Variants in PARP1 observed in about 807,000 individuals in gnomAD.
PARP1 encodes poly(ADP-ribose) polymerase 1.
Under a neutral mutation model 118.7 loss-of-function variants are expected in PARP1, and 44 were observed. The observed-to-expected ratio is 0.37, with a 90% confidence interval of 0.29 to 0.48. The LOEUF (loss-of-function observed/expected upper bound fraction) is 0.48, where lower values mean the gene tolerates loss of function less well. PARP1 is among the 20% of genes least tolerant of loss of function. The probability of loss-of-function intolerance (pLI) is 0.99; values close to 1 mark genes in which losing one functional copy is unlikely to be tolerated. For synonymous variants in PARP1, 492 were observed against 483.2 expected (o/e 1.02, Z -0.24); for missense variants, 1,100 against 1,272.4 (o/e 0.86, Z 2.06).
chr1:226,376,261 AT>A (rs1232830329), intron 13 of PARP1, among the ~76,000 whole-genome samples: 1 of 152,226 alleles, frequency 6.6e-6, no homozygotes, highest in Non-Finnish European at 1.5e-5. Context: ...AAAGTGATAA[AT>A]TTTCATTTTT....
At chr1:226,376,003 A>G (rs940675635) in intron 13 of PARP1, among the ~76,000 whole-genome samples, 1 of 152,168 alleles carries the variant, frequency 6.6e-6, no homozygotes, top group African/African-American at 2.4e-5. Flanking sequence ...AAAAATTTTT[A>G]AAGTATTTAA....
At chr1:226,405,942 C>T (rs1284919153) in intron 1 of PARP1, among the ~76,000 whole-genome samples, 1 of 151,666 alleles carries the variant, frequency 6.6e-6, no homozygotes, top group African/African-American at 2.4e-5. Flanking sequence ...ATAGTGAGAC[C>T]CCATCTCAAA....
chr1:226,391,484 C>T (rs1352981867), intron 3 of PARP1, among the ~76,000 whole-genome samples: 3 of 152,118 alleles, frequency 2.0e-5, no homozygotes, highest in Non-Finnish European at 4.4e-5. Context: ...AAACCAGTAA[C>T]CCAGCAGCAC....
At chr1:226,394,341 G>A (rs1036494562) in intron 2 of PARP1, among the ~76,000 whole-genome samples, 12 of 152,224 alleles carry the variant, frequency 7.9e-5, no homozygotes, top group Non-Finnish European at 1.5e-4. Context: ...TTGGGTGACA[G>A]AGTGAGACCC....
Position 226,361,156 on chromosome 1 carries a change from T to C in PARP1, c.*304A>G. The C allele has an allele frequency of 2.3e-6, 1 of 432,744 alleles. No homozygotes were observed. Among genetic ancestry groups the C allele is most frequent in the Non-Finnish European group, 4.2e-6 (1 of 238,202 alleles). 26.8% of individuals were successfully genotyped at this position (432,744 alleles called of 1,614,324 possible). On this transcript the variant is annotated 3_prime_UTR_variant, in exon 23 of 23. Transcript: ENST00000366794. Reference sequence around the variant, plus strand: ...GGCAGACATTCTAACGAAGCTTGGTTTTTTCCATAGGACTAGTCTATGCAA... The same window carrying C: ...GGCAGACATTCTAACGAAGCTTGGTCTTTTCCATAGGACTAGTCTATGCAA...
chr1:226,370,201 T>C (rs1664351977), intron 15 of PARP1, among the ~76,000 whole-genome samples: 1 of 152,186 alleles, frequency 6.6e-6, no homozygotes, highest in African/African-American at 2.4e-5. Context: ...GTCAGTTTAC[T>C]AAGTATCTGA....
At chr1:226,365,666 C>T (rs1664244989) in intron 18 of PARP1, among the ~76,000 whole-genome samples, 1 of 151,746 alleles carries the variant, frequency 6.6e-6, no homozygotes, top group African/African-American at 2.4e-5. Context: ...ACTCTGGAGG[C>T]TGAGACAGGA....
intron 12 of PARP1, among the ~76,000 whole-genome samples, chr1:226,377,802 C>T (rs1185803398): frequency 1.3e-5 from 2 of 152,184 alleles, no homozygotes; most frequent in East Asian, 3.8e-4. Flanking sequence ...CAAATTCCAT[C>T]TCAATTGAGG....
At chr1:226,395,973 A>G (rs1339029335) in intron 2 of PARP1, among the ~76,000 whole-genome samples, 2 of 152,186 alleles carry the variant, frequency 1.3e-5, no homozygotes, top group Non-Finnish European at 2.9e-5. Context: ...GGAAGATGAA[A>G]AAGTTCTGGA....
chr1:226,394,982 T>C (rs919506685), intron 2 of PARP1, among the ~76,000 whole-genome samples: 3 of 152,166 alleles, frequency 2.0e-5, no homozygotes, highest in African/African-American at 7.2e-5. Context: ...ACTGTGCACT[T>C]GAATCTGTAA....
intron 2 of PARP1, chr1:226,392,781 G>C: frequency 1.6e-6 from 1 of 640,984 alleles, no homozygotes; most frequent in East Asian, 3.0e-5. Context: ...ATGTACTAAA[G>C]GTATCATTTC....
Position 226,390,614 on chromosome 1 carries a change from C to T in PARP1, c.413G>A (p.Arg138His), listed in dbSNP as rs779097786. Residue 138 changes from arginine (R) to histidine (H), a missense_variant, in exon 4 of 23, where the codon CGC becomes CAC. This residue lies in a region of PARP1 where 948 missense variants were observed against 1,031.8 expected (regional missense o/e 0.92). Coordinates refer to ENST00000366794, the MANE Select transcript of PARP1 (RefSeq NM_001618.4). ...CMEKIEKGQV[R>H]LSKKMVDPEK... is the part of the protein sequence containing the mutation. ...CGGGTCCACCATCTTCTTGGACAGG[C>T]GCACCTGGCCCTGCAGGAAAAACCA... 5.6e-6 allele frequency: 9 copies of T among 1,614,024 alleles called. No homozygotes were observed. Among genetic ancestry groups the T allele is most frequent in the South Asian group, 2.2e-5 (2 of 91,078 alleles).
rs2102735674 is a variant in PARP1, at chr1:226,380,123, C to T, written c.1342G>A (p.Glu448Lys). The change falls in exon 10 of 23, where the codon GAA becomes AAA. Residue 448 changes from glutamate to lysine, a missense_variant. Glu to Lys is a moderately conservative substitution (Grantham distance 56). Transcript: ENST00000366794. The stretch of plus-strand genomic sequence containing the variant: ...TCAGACACAACTCGGATGTTGGCTT[C>T]CTTTACTTCCTCCATCTTCTTATTC... The part of the protein sequence containing the change: ...KMNKKMEEVK[E>K]ANIRVVSEDF... The T allele has an allele frequency of 1.2e-6, 2 of 1,614,164 alleles. No individual in the cohort carries two copies. Among genetic ancestry groups the T allele is most frequent in the Non-Finnish European group, 1.7e-6 (2 of 1,179,984 alleles).
intron 6 of PARP1, 111 bp from the exon 7 acceptor site, chr1:226,385,791 G>C: frequency 1.0e-6 from 1 of 991,672 alleles, no homozygotes; most frequent in Non-Finnish European, 1.6e-6. Flanking sequence ...ACAAAGAAGA[G>C]AGGCTTCTTG....
chr1:226,392,922 AT>A, intron 2 of PARP1: 1 of 1,567,180 alleles, frequency 6.4e-7, no homozygotes. Flanking sequence ...CTTGCCTAAG[AT>A]TAGGAATAAG....
chr1:226,362,266 A>T, intron 21 of PARP1, 183 bp from the exon 22 acceptor site: 4 of 560,740 alleles, frequency 7.1e-6, no homozygotes, highest in African/African-American at 1.9e-5. Context: ...GCTCAGTGCA[A>T]CCTCCGCCTC....
intron 21 of PARP1, among the ~76,000 whole-genome samples, chr1:226,362,759 C>G (rs1031191468): frequency 3.3e-5 from 5 of 152,182 alleles, no homozygotes; most frequent in Non-Finnish European, 7.3e-5. Flanking sequence ...CTGGTGCCTG[C>G]ACCAAGATTC....
At chr1:226,399,366 G>A (rs145942003) in intron 2 of PARP1, among the ~76,000 whole-genome samples, 8 of 152,240 alleles carry the variant, frequency 5.3e-5, no homozygotes, top group South Asian at 4.1e-4. Flanking sequence ...CACCGTGCCC[G>A]GCTCGACATG....
chr1:226,388,930 T>C (rs1664771261), intron 4 of PARP1, among the ~76,000 whole-genome samples, 175 bp from the exon 5 acceptor site: 2 of 152,106 alleles, frequency 1.3e-5, no homozygotes, highest in Non-Finnish European at 2.9e-5. Flanking sequence ...CACTGTCTAC[T>C]CAGGGAGTAC....
Sources: gnomAD v4.1 joint callset for allele counts (sites outside exome capture counted in the v4.1 genomes callset) on GRCh38, gnomAD v4.1.1 for gene constraint, gnomAD v4.1.1 regional missense constraint, MANE v1.5 for transcripts, NCBI Gene and HGNC (gene_info 2026-07-23, HGNC 2026-07-21) for gene names.